PCDH11X: variants seen among roughly 807,000 people sequenced by gnomAD.
PCDH11X encodes the protein protocadherin-11 X-linked.
Under a neutral mutation model 53.3 loss-of-function variants are expected in PCDH11X, and 18 were observed. The ratio of observed to expected loss-of-function variants is 0.34; its 90% CI spans 0.23 to 0.50. The LOEUF (loss-of-function observed/expected upper bound fraction) is 0.50, where lower values mean the gene tolerates loss of function less well. Among genes scored for constraint, PCDH11X ranks in the 20% least tolerant of loss-of-function variants. The pLI is 0.98. For synonymous variants in PCDH11X, 279 were observed against 393.3 expected (o/e 0.71, Z 3.44); for missense variants, 570 against 1,032.4 (o/e 0.55, Z 6.14).
intron 6 of PCDH11X, among the ~76,000 whole-genome samples, chrX:92,105,217 T>C (rs934144637): frequency 3.6e-5 from 4 of 111,131 alleles, no homozygotes; most frequent in African/African-American, 9.8e-5. Context: ...TGAAGTGTGG[T>C]TCCAAGATTG....
intron 8 of PCDH11X, among the ~76,000 whole-genome samples, chrX:92,321,696 A>G (rs2069215217): frequency 9.0e-6 from 1 of 111,034 alleles, no homozygotes; most frequent in African/African-American, 3.3e-5. Context: ...TCATCTTATG[A>G]TCTCAATTTT....
chrX:91,998,011 G>T (rs1304236795), intron 6 of PCDH11X, among the ~76,000 whole-genome samples: 1 of 107,754 alleles, frequency 9.3e-6, no homozygotes, highest in Admixed American at 1.0e-4. Context: ...TTAGCTCACT[G>T]CAACCTCTAC....
intron 6 of PCDH11X, among the ~76,000 whole-genome samples, chrX:92,015,786 C>T (rs1460809674): frequency 8.9e-6 from 1 of 111,835 alleles, no homozygotes; most frequent in Non-Finnish European, 1.9e-5. Flanking sequence ...CACCTTCTTC[C>T]AAGTTCTTGT....
intron 6 of PCDH11X, among the ~76,000 whole-genome samples, chrX:92,042,883 C>T (rs2063231947): frequency 9.1e-6 from 1 of 109,355 alleles, no homozygotes; most frequent in Admixed American, 9.9e-5. Context: ...TCGTCATCCA[C>T]CCGCCTCAGC....
At chrX:91,792,543 T>TAA (rs1935589473) in intron 1 of PCDH11X, among the ~76,000 whole-genome samples, 1 of 111,275 alleles carries the variant, frequency 9.0e-6, no homozygotes, top group Admixed American at 9.6e-5. Flanking sequence ...AAGACAATAC[T>TAA]GTATAATACA....
intron 6 of PCDH11X, among the ~76,000 whole-genome samples, chrX:91,997,874 A>G (rs1452754241): frequency 9.2e-6 from 1 of 109,087 alleles, no homozygotes; most frequent in Non-Finnish European, 1.9e-5. Flanking sequence ...TAGATTTTTG[A>G]TTACTGATTC....
At chrX:92,010,941 T>G (rs1404029710) in intron 6 of PCDH11X, among the ~76,000 whole-genome samples, 1 of 111,188 alleles carries the variant, frequency 9.0e-6, no homozygotes, top group African/African-American at 3.3e-5. Flanking sequence ...ATGTACTCAA[T>G]GTTTAGCTCC....
At chrX:92,166,891 C>A (rs1489646686) in intron 6 of PCDH11X, among the ~76,000 whole-genome samples, 1 of 110,796 alleles carries the variant, frequency 9.0e-6, no homozygotes, top group Non-Finnish European at 1.9e-5. Context: ...GAGTCCCCAT[C>A]ACTTAAAAAA....
chrX:92,555,264 A>G (rs1279818629), intron 10 of PCDH11X, among the ~76,000 whole-genome samples: 11 of 111,607 alleles, frequency 9.9e-5, no homozygotes, highest in African/African-American at 3.3e-5. Context: ...AATGGAAGGG[A>G]ATTTTTAATT....
At chrX:92,221,044 T>A (rs2066859262) in intron 7 of PCDH11X, among the ~76,000 whole-genome samples, 1 of 60,365 alleles carries the variant, frequency 1.7e-5, no homozygotes, top group Non-Finnish European at 3.0e-5. Context: ...CTCTGGGGAC[T>A]GTTGTGGGGT....
chrX:91,944,912 G>C (rs1252188941), intron 6 of PCDH11X, among the ~76,000 whole-genome samples: 1 of 102,562 alleles, frequency 9.8e-6, no homozygotes, highest in East Asian at 3.2e-4. Context: ...TCAATACTTA[G>C]GTCAAAACCA....
At chrX:92,319,351 T>G (rs1355710501) in intron 8 of PCDH11X, among the ~76,000 whole-genome samples, 30 of 111,954 alleles carry the variant, frequency 2.7e-4, no homozygotes, top group African/African-American at 9.7e-4. Flanking sequence ...TTTTTCAAGA[T>G]AAACAAAGAT....
At chrX:92,337,484 TG>T (rs1471539519) in intron 8 of PCDH11X, among the ~76,000 whole-genome samples, 2 of 110,635 alleles carry the variant, frequency 1.8e-5, no homozygotes, top group Middle Eastern at 4.7e-3. Flanking sequence ...CAACACTGAA[TG>T]TCCTGGATGT....
chrX:91,876,031 C>T (rs1021286518), intron 5 of PCDH11X, among the ~76,000 whole-genome samples: 18 of 111,689 alleles, frequency 1.6e-4, no homozygotes, highest in Admixed American at 6.7e-4. Flanking sequence ...TTGGATAATT[C>T]GCTTACAGCT....
intron 6 of PCDH11X, among the ~76,000 whole-genome samples, chrX:92,109,200 G>T (rs2064449315): frequency 9.0e-6 from 1 of 110,954 alleles, no homozygotes; most frequent in African/African-American, 3.3e-5. Flanking sequence ...GTGAAACCCT[G>T]TCTCTACTAA....
intron 6 of PCDH11X, among the ~76,000 whole-genome samples, chrX:92,080,428 C>T (rs912257117): frequency 1.8e-5 from 2 of 111,105 alleles, no homozygotes; most frequent in African/African-American, 6.6e-5. Flanking sequence ...AAAAATTAAC[C>T]TGGTACTAAA....
chrX:92,363,153 A>C (rs1399561184), intron 8 of PCDH11X, among the ~76,000 whole-genome samples: 3 of 110,934 alleles, frequency 2.7e-5, no homozygotes, highest in Non-Finnish European at 5.7e-5. Flanking sequence ...GAAATTCCAT[A>C]TGTTTTTTGG....
chrX:92,258,043 A>T (rs187994678), intron 7 of PCDH11X, among the ~76,000 whole-genome samples: 42 of 112,184 alleles, frequency 3.7e-4, no homozygotes, highest in African/African-American at 1.3e-3. Context: ...GTGGCTCTCA[A>T]GTCTCAACTT....
At chrX:91,781,496 T>C (rs755033964) in intron 1 of PCDH11X, among the ~76,000 whole-genome samples, 174 of 112,836 alleles carry the variant, frequency 1.5e-3, no homozygotes, top group Middle Eastern at 4.7e-3. Context: ...GTAAAACAGG[T>C]GTGACTCAAA....
Sources: gnomAD v4.1 joint callset for allele counts (sites outside exome capture counted in the v4.1 genomes callset) on GRCh38, gnomAD v4.1.1 for gene constraint, MANE v1.5 for transcripts, NCBI Gene and HGNC (gene_info 2026-07-23, HGNC 2026-07-21) for gene names.